Variants in PTK7 observed in about 807,000 individuals in gnomAD.
The protein encoded by PTK7 is protein tyrosine kinase 7 (inactive).
Under a neutral mutation model 116.6 loss-of-function variants are expected in PTK7, and 39 were observed. The ratio of observed to expected loss-of-function variants is 0.33; its 90% CI spans 0.26 to 0.44. The LOEUF (loss-of-function observed/expected upper bound fraction) is 0.44. PTK7 is among the 20% of genes least tolerant of loss of function. The probability of loss-of-function intolerance (pLI) is 1.00; values close to 1 mark genes in which losing one functional copy is unlikely to be tolerated. For synonymous variants in PTK7, 546 were observed against 563.6 expected (o/e 0.97, Z 0.44); for missense variants, 1,169 against 1,425.6 (o/e 0.82, Z 2.90).
rs1769499635 is a variant in PTK7 at position 43,129,231 on chromosome 6, G to T, written c.334G>T (p.Ala112Ser). 6.2e-7 allele frequency: 1 copy of T among 1,614,040 alleles called. No homozygotes were observed. The highest frequency in any genetic ancestry group is 1.3e-5 in the African/African-American group (1 of 74,934). The part of the protein sequence containing the change: ...VARDDVTGEE[A>S]RSANASFNIK... ...TCGGGATGATGTCACTGGAGAAGAA[G>T]CCCGCAGTGCCAACGCCTCCTTCAA... The change falls in exon 2 of 20, where the codon GCC becomes TCC. Residue 112 changes from alanine to serine, a missense_variant. By Grantham distance (99) the Ala-to-Ser change is moderately conservative. This residue lies in a region of PTK7 where 487 missense variants were observed against 549.8 expected (regional missense o/e 0.89). Coordinates refer to ENST00000230419, the MANE Select transcript of PTK7 (RefSeq NM_002821.5). This position sits in a 1 kb window ranked among gnomAD's most constrained non-coding sequence, Gnocchi z 4.5.
Position 43,076,463 on chromosome 6 carries a change from C to A in PTK7, c.-26C>A. 1 of 1,543,106 alleles carries A rather than the reference C, an allele frequency of 6.5e-7. No individual in the cohort carries two copies. The highest frequency in any genetic ancestry group is 1.4e-5 in the African/African-American group (1 of 70,286). On this transcript the variant is annotated 5_prime_UTR_variant, in exon 1 of 20. Transcript: ENST00000230419. The surrounding 1 kb of genome is among the most constrained non-coding windows in gnomAD (Gnocchi z 5.7). ...AGTCTGCGCGCCCGCCGTGCGCCCT[C>A]AGCTCCTTTTCCTGAGCCCGCCGCG...
chr6:43,116,216 CTG>C (rs1768510496), intron 1 of PTK7, among the ~76,000 whole-genome samples: 1 of 152,156 alleles, frequency 6.6e-6, no homozygotes, highest in African/African-American at 2.4e-5. Flanking sequence ...GGTGGAGACA[CTG>C]TGTTCCCCAA....
intron 10 of PTK7, among the ~76,000 whole-genome samples, chr6:43,140,423 A>C (rs1770327965): frequency 6.7e-6 from 1 of 150,190 alleles, no homozygotes; most frequent in African/African-American, 2.5e-5. Flanking sequence ...ACTGCACTTC[A>C]GCCTGGGTGG....
chr6:43,093,002 A>G (rs1767039581), intron 1 of PTK7, among the ~76,000 whole-genome samples: 1 of 152,154 alleles, frequency 6.6e-6, no homozygotes, highest in South Asian at 2.1e-4. Flanking sequence ...AATGATGCTT[A>G]AGGCATAAAG....
intron 17 of PTK7, among the ~76,000 whole-genome samples, chr6:43,149,006 C>G (rs867382910): frequency 1.1e-3 from 156 of 143,864 alleles, no homozygotes; most frequent in African/African-American, 3.6e-3. Flanking sequence ...TTGCAGTGAG[C>G]CAAGATCGTG....
At chr6:43,112,249 TA>T in intron 1 of PTK7, among the ~76,000 whole-genome samples, 1 of 120,120 alleles carries the variant, frequency 8.3e-6, no homozygotes, top group Non-Finnish European at 1.8e-5. Flanking sequence ...CAGTTTTATT[TA>T]TTTATTTATT....
rs774477737 is a variant in PTK7 at position 43,129,272 on chromosome 6, C to G, written c.367+8C>G. ...CCTCCTTCAACATCAAATGTGAGAGCCAGGGGGGCTGTGCCCAGTCCCCCT... is the reference window on the plus strand; with the variant it reads ...CCTCCTTCAACATCAAATGTGAGAGGCAGGGGGGCTGTGCCCAGTCCCCCT... On this transcript the variant is annotated splice_region_variant and intron_variant, in intron 2 of 19. Transcript: ENST00000230419. This position sits in a 1 kb window ranked among gnomAD's most constrained non-coding sequence, Gnocchi z 4.5. 2.5e-6 allele frequency: 4 copies of G among 1,613,884 alleles called. No homozygotes were observed. The Admixed American group carries it at 6.7e-5, about 27-fold the overall frequency.
At chr6:43,159,674 A>G (rs928582551) in intron 18 of PTK7, 114 bp from the exon 19 acceptor site, 26 of 1,059,916 alleles carry the variant, frequency 2.5e-5, no homozygotes, top group Non-Finnish European at 3.3e-5. Flanking sequence ...TGATGTCTGT[A>G]TGTAGAAAGG....
chr6:43,116,767 T>C (rs1336648877), intron 1 of PTK7, among the ~76,000 whole-genome samples: 1 of 152,110 alleles, frequency 6.6e-6, no homozygotes, highest in Non-Finnish European at 1.5e-5. Context: ...TAGGGCTGGG[T>C]GCTGGGGCAT....
Position 43,145,765 on chromosome 6 carries a change from T to A in PTK7, c.2640+333T>A, listed in dbSNP as rs115219073. The stretch of plus-strand genomic sequence containing the variant: ...CTCTTGTTTTCTTTGGTTTGTTATT[T>A]TTTCCTCCCCAAAAGCTTGTCCCCA... On this transcript the variant is annotated intron_variant, in intron 16 of 19. Coordinates refer to ENST00000230419, the MANE Select transcript of PTK7 (RefSeq NM_002821.5). The surrounding 1 kb of genome is among the most constrained non-coding windows in gnomAD (Gnocchi z 4.8). 1 of 175,886 alleles carries A rather than the reference T, an allele frequency of 5.7e-6. No individual in the cohort carries two copies. Among genetic ancestry groups the A allele is most frequent in the African/African-American group, 2.4e-5 (1 of 42,438 alleles). 10.9% of individuals were successfully genotyped at this position (175,886 alleles called of 1,614,324 possible). A position where few individuals can be genotyped will look rare whatever the true frequency, so the allele number is the denominator to read the frequency against.
At chr6:43,080,565 CAGGCCCT>C (rs1766320796) in intron 1 of PTK7, among the ~76,000 whole-genome samples, 2 of 152,188 alleles carry the variant, frequency 1.3e-5, no homozygotes, top group Non-Finnish European at 2.9e-5. Flanking sequence ...GACTCATTGG[CAGGCCCT>C]GTGGCCCTGG....
At position 43,143,614 on chromosome 6, in the gene PTK7, C is replaced by G; in HGVS notation, c.2245C>G (p.Leu749Val). ...GGGCGAGGAGCCAGAGATGGAATGC[C>G]TCAACGGTGAGGGGCCCTGGACGGG... Reference protein sequence around the residue: ...PEGEEPEMECLNGGPLQNGQP... With the variant: ...PEGEEPEMECVNGGPLQNGQP... Residue 749 changes from leucine to valine, a missense_variant, in exon 14 of 20, where the codon CTC becomes GTC. Coordinates refer to ENST00000230419, the MANE Select transcript of PTK7 (RefSeq NM_002821.5). The surrounding 1 kb of genome is among the most constrained non-coding windows in gnomAD (Gnocchi z 4.2). 6.2e-7 allele frequency: 1 copy of G among 1,611,630 alleles called. No individual in the cohort carries two copies. The highest frequency in any genetic ancestry group is 8.5e-7 in the Non-Finnish European group (1 of 1,179,856).
chr6:43,076,334 G>A lies in PTK7; in HGVS notation c.-155G>A. On this transcript the variant is annotated 5_prime_UTR_variant, in exon 1 of 20. Transcript: ENST00000230419. The surrounding 1 kb of genome is among the most constrained non-coding windows in gnomAD (Gnocchi z 5.7). ...GAGGTACTGGGCGCGCGCGGCTCCG[G>A]CTCGGGACGCCTCGGGACGCCTCGG... 1 of 321,454 alleles carries A rather than the reference G, an allele frequency of 3.1e-6. No homozygotes were observed. Among genetic ancestry groups the A allele is most frequent in the Non-Finnish European group, 5.0e-6 (1 of 201,724 alleles). The allele number at this position is 321,454 out of a possible 1,614,324, so 19.9% of individuals were successfully genotyped here.
At chr6:43,136,986 A>G (rs1770080636) in intron 7 of PTK7, among the ~76,000 whole-genome samples, 1 of 152,242 alleles carries the variant, frequency 6.6e-6, no homozygotes, top group Admixed American at 6.5e-5. Flanking sequence ...CCTAGGTAAC[A>G]GGATGAGACC....
intron 1 of PTK7, among the ~76,000 whole-genome samples, chr6:43,116,674 A>G (rs1396263423): frequency 6.6e-6 from 1 of 150,520 alleles, no homozygotes; most frequent in South Asian, 2.1e-4. Context: ...ACGCACGCAT[A>G]TGGATACATG....
chr6:43,126,383 CT>C (rs777728164), intron 1 of PTK7, among the ~76,000 whole-genome samples: 89 of 152,278 alleles, frequency 5.8e-4, no homozygotes, highest in Non-Finnish European at 1.0e-3. Context: ...CCACTGGGGA[CT>C]CAGTCTGATT....
At chr6:43,097,498 T>C (rs1377417873) in intron 1 of PTK7, among the ~76,000 whole-genome samples, 3 of 152,216 alleles carry the variant, frequency 2.0e-5, no homozygotes, top group African/African-American at 4.8e-5. Context: ...GTTATTTTTG[T>C]GGAGAGGGAG....
Position 43,129,071 on chromosome 6 carries a change from G to A in PTK7, c.174G>A (p.Pro58=), listed in dbSNP as rs375395651. The A allele has an allele frequency of 1.7e-5, 27 of 1,614,090 alleles. No homozygotes were observed. Among genetic ancestry groups the A allele is most frequent in the African/African-American group, 6.7e-5 (5 of 74,942 alleles). Residue 58 remains proline (P), a synonymous_variant, in exon 2 of 20, where the codon CCG becomes CCA. Coordinates refer to ENST00000230419, the MANE Select transcript of PTK7 (RefSeq NM_002821.5). This position sits in a 1 kb window ranked among gnomAD's most constrained non-coding sequence, Gnocchi z 4.5. ...RALLRCEVEA[P]GPVHVYWLLD... ...TGCTTCGCTGTGAGGTTGAGGCTCC[G>A]GGCCCGGTACATGTGTACTGGCTGC...
At chr6:43,108,218 C>T (rs1161619434) in intron 1 of PTK7, among the ~76,000 whole-genome samples, 1 of 151,804 alleles carries the variant, frequency 6.6e-6, no homozygotes, top group African/African-American at 2.4e-5. Flanking sequence ...CCTCAGCCTC[C>T]TGAGTAGCTG....
Sources: allele counts gnomAD v4.1 joint callset (sites outside exome capture counted in the v4.1 genomes callset), GRCh38; gene constraint gnomAD v4.1.1; regional missense constraint gnomAD v4.1.1; non-coding constraint Gnocchi (gnomAD v3.1); transcripts MANE v1.5; gene names NCBI Gene and HGNC (gene_info 2026-07-23, HGNC 2026-07-21).